Variants in MMP28 observed in about 807,000 individuals in gnomAD.
MMP28 encodes the protein matrix metallopeptidase 28.
In MMP28, 55 loss-of-function variants were observed where a neutral mutation model predicts 60.5. The observed-to-expected ratio is 0.91, with a 90% confidence interval of 0.73 to 1.14. MMP28 has a LOEUF of 1.14. MMP28 is among the 50% of genes most tolerant of loss of function. MMP28 has a pLI of 0.00. For missense variants in MMP28, 686 were observed against 738.3 expected (o/e 0.93, Z 0.82); for synonymous variants, 318 against 312.5 (o/e 1.02, Z -0.18).
chr17:35,767,923 C>T lies in MMP28; in HGVS notation c.1001-4G>A. ...ATGTACAGTTGCTGTTGCCTGTCTG[C>T]CCAGAGACAAGAGAGAGTTGAGGAG... On this transcript the variant is annotated splice_polypyrimidine_tract_variant and splice_region_variant and intron_variant, in intron 6 of 7. Transcript: ENST00000605424. 6.4e-7 allele frequency: 1 copy of T among 1,571,484 alleles called. No individual in the cohort carries two copies. The highest frequency in any genetic ancestry group is 1.4e-5 in the African/African-American group (1 of 73,954).
rs968225124 is a variant in MMP28, at chr17:35,773,162, G to T, written c.604+18C>A. 2 of 1,609,526 alleles carry T rather than the reference G, an allele frequency of 1.2e-6. No individual in the cohort carries two copies. The highest frequency in any genetic ancestry group is 1.3e-5 in the African/African-American group (1 of 74,964). ...GGTTCCCCTCCTGCTGTGCGGGAGG[G>T]AGGCTTTGTGCCAGCACCTGGGCCA... On this transcript the variant is annotated intron_variant, in intron 4 of 7. Transcript: ENST00000605424.
chr17:35,788,763 C>T (rs1464942506), intron 1 of MMP28, among the ~76,000 whole-genome samples: 1 of 152,106 alleles, frequency 6.6e-6, no homozygotes, highest in African/African-American at 2.4e-5. Context: ...CTAGACCACC[C>T]AGTGGAAGGC....
At chr17:35,793,524 G>A (rs2086875602) in intron 1 of MMP28, among the ~76,000 whole-genome samples, 1 of 152,320 alleles carries the variant, frequency 6.6e-6, no homozygotes, top group East Asian at 1.9e-4. Context: ...CCCAGTGCTA[G>A]GAAGGGGAGG....
At chr17:35,761,666 C>T (rs1313085722), downstream of MMP28, among the ~76,000 whole-genome samples, 1 of 152,184 alleles carries the variant, frequency 6.6e-6, no homozygotes, top group East Asian at 1.9e-4. Context: ...TGTAATGACT[C>T]CTAAGTGGGG....
chr17:35,757,179 T>A lies in MMP28; in HGVS notation c.266-760A>T, dbSNP rs1446053412. 6 of 151,190 alleles carry A rather than the reference T, an allele frequency of 4.0e-5. No homozygotes were observed. The East Asian group carries it at 1.2e-3, about 30-fold the overall frequency. 9.4% of individuals were successfully genotyped at this position (151,190 alleles called of 1,614,324 possible). A position where few individuals can be genotyped will look rare whatever the true frequency, so the allele number is the denominator to read the frequency against. Reference sequence around the variant, plus strand: ...ATAAATAAATAAATAAATAAATAAATAAAATAAAAAATAGACTGTAGGAGA... The same window carrying A: ...ATAAATAAATAAATAAATAAATAAAAAAAATAAAAAATAGACTGTAGGAGA... On this transcript the variant is annotated intron_variant, in intron 2 of 2. Transcript: ENST00000615317.
chr17:35,795,515 G>A lies in MMP28; in HGVS notation c.-138C>T. Reference sequence around the variant, plus strand: ...CGGAGAGGGACTGTCCCGGGGTTTCGCCAGTGCCCTAGCTGCGCGCTCTGG... The same window carrying A: ...CGGAGAGGGACTGTCCCGGGGTTTCACCAGTGCCCTAGCTGCGCGCTCTGG... On this transcript the variant is annotated 5_prime_UTR_variant, in exon 1 of 8. Coordinates refer to ENST00000605424, the MANE Select transcript of MMP28 (RefSeq NM_024302.5). 1.9e-6 allele frequency: 1 copy of A among 538,840 alleles called. No individual in the cohort carries two copies. The highest frequency in any genetic ancestry group is 2.9e-6 in the Non-Finnish European group (1 of 344,372). The allele number at this position is 538,840 out of a possible 1,614,324, so 33.4% of individuals were successfully genotyped here.
intron 3 of MMP28, among the ~76,000 whole-genome samples, chr17:35,776,068 G>T (rs1346353398): frequency 6.6e-6 from 1 of 151,958 alleles, no homozygotes; most frequent in Non-Finnish European, 1.5e-5. Context: ...TAGAGATGGG[G>T]TTTCACCGTG....
chr17:35,781,465 T>C (rs922562618), intron 1 of MMP28, among the ~76,000 whole-genome samples: 1 of 152,090 alleles, frequency 6.6e-6, no homozygotes, highest in Non-Finnish European at 1.5e-5. Context: ...TCTGGGGAAA[T>C]TGGTATAATT....
intron 1 of MMP28, among the ~76,000 whole-genome samples, chr17:35,793,611 G>A (rs2086878761): frequency 6.6e-6 from 1 of 152,184 alleles, no homozygotes; most frequent in Non-Finnish European, 1.5e-5. Context: ...ATGGGAGCTG[G>A]GTGATGGAAG....
At chr17:35,784,322 A>T (rs1326575054) in intron 1 of MMP28, among the ~76,000 whole-genome samples, 1 of 151,540 alleles carries the variant, frequency 6.6e-6, no homozygotes, top group Non-Finnish European at 1.5e-5. Context: ...AACAGGGATT[A>T]TCAGGATTTA....
In MMP28 at chr17:35,767,055, A is replaced by G. The variant is rs1025197988; in HGVS notation, c.1169-161T>C. 3.9e-6 allele frequency: 3 copies of G among 761,674 alleles called. No individual in the cohort carries two copies. In the African/African-American group the frequency reaches 5.1e-5, roughly 13 times the overall value. 47.2% of individuals were successfully genotyped at this position (761,674 alleles called of 1,614,324 possible). A position where few individuals can be genotyped will look rare whatever the true frequency, so the allele number is the denominator to read the frequency against. The stretch of plus-strand genomic sequence containing the variant: ...ATTGCACTACAAATTAGTTATAAAT[A>G]GCAGGGTGGTAGTAGCAACTCCTAT... On this transcript the variant is annotated intron_variant, in intron 7 of 7. Transcript: ENST00000605424.
chr17:35,771,792 T>TG (rs1197598882), intron 4 of MMP28, among the ~76,000 whole-genome samples: 1 of 137,344 alleles, frequency 7.3e-6, no homozygotes, highest in Non-Finnish European at 1.6e-5. Context: ...AGGGCACCTC[T>TG]GGGGGGCCTC....
At chr17:35,772,526 C>T (rs1481455480) in intron 4 of MMP28, among the ~76,000 whole-genome samples, 1 of 152,154 alleles carries the variant, frequency 6.6e-6, no homozygotes, top group African/African-American at 2.4e-5. Flanking sequence ...GTTCCCAGGC[C>T]ATACAAGGGC....
chr17:35,770,056 C>T lies in MMP28; in HGVS notation c.850+11G>A, dbSNP rs749692808. ...GTGGGACCAAGAGCGGGGCATGTCC[C>T]GGGGCCTCACCATACAGGCTCTGCA... On this transcript the variant is annotated intron_variant, in intron 5 of 7. Coordinates refer to ENST00000605424, the MANE Select transcript of MMP28 (RefSeq NM_024302.5). 3.9e-6 allele frequency: 6 copies of T among 1,545,252 alleles called. No homozygotes were observed. The highest frequency in any genetic ancestry group is 5.2e-6 in the Non-Finnish European group (6 of 1,145,950).
intron 7 of MMP28, among the ~76,000 whole-genome samples, chr17:35,767,236 G>A (rs184197769): frequency 2.1e-4 from 32 of 152,198 alleles, no homozygotes; most frequent in East Asian, 1.2e-3. Context: ...ATCCAACCAC[G>A]TCTAGTGCAT....
At chr17:35,780,794 A>C (rs59252034) in intron 1 of MMP28, among the ~76,000 whole-genome samples, 23,783 of 151,528 alleles carry the variant, frequency 0.16, 4,036 homozygotes, top group African/African-American at 0.43. Context: ...GAGATCACGC[A>C]GCTGCACTCC....
chr17:35,777,191 A>C (rs76011443), intron 3 of MMP28, among the ~76,000 whole-genome samples: 1 of 152,244 alleles, frequency 6.6e-6, no homozygotes, highest in East Asian at 1.9e-4. Context: ...CCCAGGCCAC[A>C]CAGCTGAGAC....
At chr17:35,779,405 C>A in intron 1 of MMP28, 82 bp from the exon 2 acceptor site, 1 of 1,121,642 alleles carries the variant, frequency 8.9e-7, no homozygotes, top group South Asian at 1.3e-5. Context: ...CACATACATC[C>A]TGCCCAGTCT....
chr17:35,766,731 C>G lies in MMP28; in HGVS notation c.1332G>C (p.Gly444=), dbSNP rs1009267540. The change falls in exon 8 of 8, where the codon GGG becomes GGC. Residue 444 remains glycine (G), a synonymous_variant. Coordinates refer to ENST00000605424, the MANE Select transcript of MMP28 (RefSeq NM_024302.5). This position sits in a 1 kb window ranked among gnomAD's most constrained non-coding sequence, Gnocchi z 4.3. ...KGARYYVLAR[G]GLQVEPYYPR... ...GGTAGTAGGGCTCCACTTGCAGTCC[C>G]CCTCGGGCCAGCACGTAGTAGCGGG... The G allele has an allele frequency of 6.9e-6, 11 of 1,594,536 alleles. No homozygotes were observed. The highest frequency in any genetic ancestry group is 9.4e-6 in the Non-Finnish European group (11 of 1,171,476).
Sources: gnomAD v4.1 joint callset for allele counts (sites outside exome capture counted in the v4.1 genomes callset) on GRCh38, gnomAD v4.1.1 for gene constraint, Gnocchi (gnomAD v3.1) non-coding constraint, MANE v1.5 for transcripts, NCBI Gene and HGNC (gene_info 2026-07-23, HGNC 2026-07-21) for gene names.